MAP4K1: variants seen among roughly 807,000 people sequenced by gnomAD.
MAP4K1 encodes the protein mitogen-activated protein kinase kinase kinase kinase 1, also known as MAPK/ERK kinase kinase kinase 1.
MAP4K1 carries 35 observed loss-of-function variants against 122.8 expected under a neutral mutation model. The observed-to-expected ratio is 0.29, with a 90% CI of 0.22 to 0.38. MAP4K1 has a LOEUF of 0.38. Ranked by LOEUF, MAP4K1 falls within the 10% of genes least tolerant of loss-of-function variation. The probability of loss-of-function intolerance (pLI) is 1.00; values close to 1 mark genes in which losing one functional copy is unlikely to be tolerated. For missense variants in MAP4K1, 791 were observed against 1,072.6 expected, an observed-to-expected ratio of 0.74 and a Z score of 3.67; for synonymous variants, 412 against 421.3, an observed-to-expected ratio of 0.98 and a Z score of 0.27.
In MAP4K1 at chr19:38,597,345, G is replaced by A. The variant is rs1188519299; in HGVS notation, c.1818C>T (p.Gly606=). ...MVSTKIQDTK[G]CRACCVAEGA... ...TCTCACCCACACAGCACGCCCGGCA[G>A]CCTTTGGTGTCCTGGATCTTGGTGG... Residue 606 remains glycine (G), a synonymous_variant, in exon 24 of 31, where the codon GGC becomes GGT. Coordinates refer to ENST00000396857, the MANE Select transcript of MAP4K1 (RefSeq NM_001042600.3). This position sits in a 1 kb window ranked among gnomAD's most constrained non-coding sequence, Gnocchi z 4.6. The A allele has an allele frequency of 3.7e-6, 6 of 1,613,976 alleles. No homozygotes were observed. The East Asian group carries it at 6.7e-5, about 18-fold the overall frequency.
rs747372519 is a variant in MAP4K1 at position 38,595,938 on chromosome 19, CCATCCAT to C, written c.2173_2179del (p.Met725AlafsTer3). On this transcript the variant is annotated frameshift_variant and splice_region_variant, in exon 27 of 31. Coordinates refer to ENST00000396857, the MANE Select transcript of MAP4K1 (RefSeq NM_001042600.3). LOFTEE classifies it high-confidence loss of function. Reference sequence around the variant, plus strand: ...GGAAGGGGAGGAAGGAGGGTTCTCACCATCCATCAACACCATCACCATATCTTCCTCT... The same window carrying C: ...GGAAGGGGAGGAAGGAGGGTTCTCACCAACACCATCACCATATCTTCCTCT... The C allele has an allele frequency of 6.2e-7, 1 of 1,613,926 alleles. No homozygotes were observed.
chr19:38,617,798 T>G lies in MAP4K1; in HGVS notation c.98A>C (p.Lys33Thr). The G allele has an allele frequency of 1.2e-6, 2 of 1,614,042 alleles. No individual in the cohort carries two copies. The highest frequency in any genetic ancestry group is 1.7e-6 in the Non-Finnish European group (2 of 1,179,942). Residue 33 changes from lysine to threonine, a missense_variant and splice_region_variant, in exon 1 of 31, where the codon AAG (lysine) becomes ACG (threonine). Around this residue, in one of 4 missense-constraint regions of MAP4K1, gnomAD observed 163 missense variants for 286.1 expected, o/e 0.57. Transcript: ENST00000396857. This position sits in a 1 kb window ranked among gnomAD's most constrained non-coding sequence, Gnocchi z 4.1. ...LGGGTYGEVF[K>T]ARDKVSGDLV... The stretch of plus-strand genomic sequence containing the variant: ...TTGGGGACAGAGGGGCTTCCTCACC[T>G]TAAAGACTTCCCCATACGTGCCGCC...
At chr19:38,615,087 G>T (rs1188631981) in intron 4 of MAP4K1, among the ~76,000 whole-genome samples, 3 of 152,068 alleles carry the variant, frequency 2.0e-5, no homozygotes, top group Admixed American at 6.6e-5. Context: ...CACAGAGGTG[G>T]TCAGTCAGGG....
chr19:38,596,169 A>C, intron 26 of MAP4K1, 143 bp downstream of exon 26: 2 of 1,321,110 alleles, frequency 1.5e-6, no homozygotes, highest in South Asian at 1.4e-5. Context: ...TCCCCAGTTA[A>C]CTAAAACCTG....
At chr19:38,605,523 A>G in intron 18 of MAP4K1, 32 bp from the exon 19 acceptor site, 1 of 1,541,272 alleles carries the variant, frequency 6.5e-7, no homozygotes, top group Non-Finnish European at 8.7e-7. Flanking sequence ...TCAGCCCCCA[A>G]GAACCCCCAA....
chr19:38,616,305 A>G, intron 3 of MAP4K1, 46 bp from the exon 4 acceptor site: 3 of 1,495,874 alleles, frequency 2.0e-6, no homozygotes, highest in Non-Finnish European at 9.2e-7. Flanking sequence ...TAAATACATT[A>G]TTATTTGCAG....
rs1171788149 is a variant in MAP4K1 at position 38,600,143 on chromosome 19, C to T, written c.1542G>A (p.Leu514=). The T allele has an allele frequency of 6.2e-7, 1 of 1,614,164 alleles. No individual in the cohort carries two copies. The highest frequency in any genetic ancestry group is 1.1e-5 in the South Asian group (1 of 91,076). The part of the protein sequence containing the change: ...WTHPSTKDQH[L]LLGAEEGIFI... Reference sequence around the variant, plus strand: ...AGATGCCTTCCTCTGCCCCCAGGAGCAGGTGCTGGTCTGGAGGCACAGACA... The same window carrying T: ...AGATGCCTTCCTCTGCCCCCAGGAGTAGGTGCTGGTCTGGAGGCACAGACA... Residue 514 remains leucine (L), a synonymous_variant, in exon 21 of 31, where the codon CTG becomes CTA. Coordinates refer to ENST00000396857, the MANE Select transcript of MAP4K1 (RefSeq NM_001042600.3).
chr19:38,595,621 C>T lies in MAP4K1; in HGVS notation c.2269+19G>A, dbSNP rs1474375730. 6.2e-7 allele frequency: 1 copy of T among 1,614,066 alleles called. No homozygotes were observed. Among genetic ancestry groups the T allele is most frequent in the Non-Finnish European group, 8.5e-7 (1 of 1,179,952 alleles). ...GAGTTTCCACCCCTGATCCTGGGCT[C>T]TCCCGTCCCTGCACAGACCCACGGC... On this transcript the variant is annotated intron_variant, in intron 28 of 30. Transcript: ENST00000396857.
intron 4 of MAP4K1, among the ~76,000 whole-genome samples, chr19:38,615,044 A>G (rs1348389406): frequency 6.6e-6 from 1 of 152,094 alleles, no homozygotes; most frequent in African/African-American, 2.4e-5. Context: ...ACATAAAGCA[A>G]GAAAGGTGCG....
At chr19:38,609,006 T>A (rs1975417804) in intron 13 of MAP4K1, among the ~76,000 whole-genome samples, 1 of 151,782 alleles carries the variant, frequency 6.6e-6, no homozygotes, top group African/African-American at 2.4e-5. Flanking sequence ...TAAATAAGTT[T>A]TGGGATCAGG....
chr19:38,595,843 G>C lies in MAP4K1; in HGVS notation c.2179+96C>G, dbSNP rs570118961. On this transcript the variant is annotated intron_variant, in intron 27 of 30. Coordinates refer to ENST00000396857, the MANE Select transcript of MAP4K1 (RefSeq NM_001042600.3). ...GTAGGACAGGGGCAAGGCCCAGAGG[G>C]GCTCAGGGGGTTCTGAGAAGCACAA... 4.7e-6 allele frequency: 7 copies of C among 1,499,978 alleles called. No homozygotes were observed. The East Asian group carries it at 1.4e-4, about 29-fold the overall frequency. The allele number at this position is 1,499,978 out of a possible 1,614,324, so 92.9% of individuals were successfully genotyped here. A position where few individuals can be genotyped will look rare whatever the true frequency, so the allele number is the denominator to read the frequency against.
intron 16 of MAP4K1, 28 bp from the exon 17 acceptor site, chr19:38,606,243 TG>T (rs771567102): frequency 4.8e-5 from 60 of 1,239,746 alleles, no homozygotes; most frequent in Non-Finnish European, 6.2e-5. Flanking sequence ...GTTAAATAGC[TG>T]GGGGGCTGGG....
Position 38,595,490 on chromosome 19 carries a change from C to G in MAP4K1, c.2335G>C (p.Asp779His), listed in dbSNP as rs761144774. 1 of 1,613,996 alleles carries G rather than the reference C, an allele frequency of 6.2e-7. No individual in the cohort carries two copies. The highest frequency in any genetic ancestry group is 8.5e-7 in the Non-Finnish European group (1 of 1,179,992). ...GTTTGGATGGAGGGGCTTACCTGAT[C>G]CGAGCCTAGAGCCCACACCTGCACT... ...HGVQVWALGS[D>H]QLLQELRDPT... is the part of the protein sequence containing the mutation. The change falls in exon 29 of 31, where the codon GAT (aspartate) becomes CAT (histidine). Residue 779 changes from aspartate to histidine, a missense_variant. Transcript: ENST00000396857.
chr19:38,608,228 G>A (rs1975390363), intron 13 of MAP4K1, 58 bp from the exon 14 acceptor site: 4 of 827,762 alleles, frequency 4.8e-6, no homozygotes, highest in Non-Finnish European at 5.7e-6. Flanking sequence ...GTAACGAGAT[G>A]GGTTTAAGAA....
chr19:38,605,059 C>T (rs1204154138), intron 19 of MAP4K1, among the ~76,000 whole-genome samples: 1 of 150,126 alleles, frequency 6.7e-6, no homozygotes, highest in African/African-American at 2.5e-5. Flanking sequence ...TGTACTCTAG[C>T]CTGGGCAACA....
rs759960495 is a variant in MAP4K1, at chr19:38,605,700, G to A, written c.1231C>T (p.Pro411Ser). The A allele has an allele frequency of 6.2e-7, 1 of 1,607,446 alleles. No individual in the cohort carries two copies. The highest frequency in any genetic ancestry group is 1.1e-5 in the South Asian group (1 of 90,572). The change falls in exon 18 of 31, where the codon CCT becomes TCT. Residue 411 changes from proline to serine, a missense_variant. By Grantham distance (74) the Pro-to-Ser change is moderately conservative. Coordinates refer to ENST00000396857, the MANE Select transcript of MAP4K1 (RefSeq NM_001042600.3). ...TGCCCATCATCCCCCATGCTCCCAG[G>A]ACCCTCGTCTGATGGAGAACGGAAC... ...PKFRSPSDEG[P>S]GSMGDDGQLS...
intron 4 of MAP4K1, 77 bp downstream of exon 4, chr19:38,616,118 G>A (rs1350211284): frequency 1.4e-5 from 15 of 1,075,646 alleles, no homozygotes; most frequent in African/African-American, 9.5e-5. Context: ...ACACAGAGAC[G>A]GAAGAGGTGA....
intron 13 of MAP4K1, among the ~76,000 whole-genome samples, chr19:38,608,724 C>T (rs1975403459): frequency 7.0e-6 from 1 of 143,458 alleles, no homozygotes; most frequent in Non-Finnish European, 1.5e-5. Flanking sequence ...CGCTTGAACC[C>T]AGGAGGCAGA....
intron 25 of MAP4K1, 151 bp from the exon 26 acceptor site, chr19:38,596,637 T>G: frequency 1.4e-6 from 1 of 713,112 alleles, no homozygotes; most frequent in Non-Finnish European, 2.2e-6. Flanking sequence ...GCCTGGTGCC[T>G]CCGCGGGAAC....
Sources: gnomAD v4.1 joint callset for allele counts (sites outside exome capture counted in the v4.1 genomes callset) on GRCh38, gnomAD v4.1.1 for gene constraint, gnomAD v4.1.1 regional missense constraint, Gnocchi (gnomAD v3.1) non-coding constraint, MANE v1.5 for transcripts, NCBI Gene and HGNC (gene_info 2026-07-23, HGNC 2026-07-21) for gene names.